The following STRN variants were observed in gnomAD, a reference collection of about 807,000 sequenced individuals.
STRN encodes the protein striatin, also known as protein phosphatase 2 regulatory subunit B'''alpha.
In STRN, 53 loss-of-function variants were observed where a neutral mutation model predicts 96.3. The observed-to-expected ratio is 0.55, with a 90% confidence interval of 0.44 to 0.69. The LOEUF (loss-of-function observed/expected upper bound fraction) is 0.69. STRN is among the 30% of genes least tolerant of loss of function. The pLI, the probability that STRN is intolerant of heterozygous loss-of-function variation, is 0.00. For missense variants in STRN, 987 were observed against 963.9 expected (o/e 1.02, Z -0.32); for synonymous variants, 428 against 355.9 (o/e 1.20, Z -2.28).
intron 6 of STRN, among the ~76,000 whole-genome samples, chr2:36,895,855 C>T (rs1669527311): frequency 6.6e-6 from 1 of 151,798 alleles, no homozygotes; most frequent in Admixed American, 6.6e-5. Flanking sequence ...ACCCAGGAGG[C>T]GGAGCTTGCA....
intron 7 of STRN, among the ~76,000 whole-genome samples, chr2:36,890,013 C>T (rs554144002): frequency 9.2e-5 from 14 of 152,314 alleles, no homozygotes; most frequent in Non-Finnish European, 1.5e-4. Flanking sequence ...CAGCTGTCCT[C>T]GGAGAAAAAC....
rs1256842035 is a variant in STRN at position 36,847,667 on chromosome 2, T to C, written c.*1789A>G. The C allele has an allele frequency of 6.6e-6, 1 of 152,094 alleles. No homozygotes were observed. The highest frequency in any genetic ancestry group is 2.4e-5 in the African/African-American group (1 of 41,416). 9.4% of individuals were successfully genotyped at this position (152,094 alleles called of 1,614,324 possible). On this transcript the variant is annotated 3_prime_UTR_variant, in exon 18 of 18. Transcript: ENST00000263918. ...ATATCTGTATGAAAATCAGGCAAATTTAGCACAAGTCTCTAGCTTTAAAGA... is the reference window on the plus strand; with the variant it reads ...ATATCTGTATGAAAATCAGGCAAATCTAGCACAAGTCTCTAGCTTTAAAGA...
At chr2:36,863,969 G>C (rs2717501) in intron 12 of STRN, among the ~76,000 whole-genome samples, 132,677 of 152,190 alleles carry the variant, frequency 0.87, 59,599 homozygotes, top group Non-Finnish European at 0.98. Context: ...GGCATTATTG[G>C]TGTGTATAAA....
chr2:36,966,477 A>C lies in STRN; in HGVS notation c.-14T>G. 2 of 1,433,690 alleles carry C rather than the reference A, an allele frequency of 1.4e-6. No homozygotes were observed. Among genetic ancestry groups the C allele is most frequent in the Non-Finnish European group, 1.8e-6 (2 of 1,096,566 alleles). The allele number at this position is 1,433,690 out of a possible 1,614,324, so 88.8% of individuals were successfully genotyped here. Reference sequence around the variant, plus strand: ...CTGCTCGTCCATGGCGGCCGCAGATACCCGGGGAGCTGCCCCGGCGCCCAG... The same window carrying C: ...CTGCTCGTCCATGGCGGCCGCAGATCCCCGGGGAGCTGCCCCGGCGCCCAG... On this transcript the variant is annotated 5_prime_UTR_variant, in exon 1 of 18. Transcript: ENST00000263918.
At chr2:36,863,408 C>G (rs1361977637) in intron 12 of STRN, among the ~76,000 whole-genome samples, 1 of 152,094 alleles carries the variant, frequency 6.6e-6, no homozygotes, top group Non-Finnish European at 1.5e-5. Flanking sequence ...GCCATTTATC[C>G]CAGCATCATT....
intron 1 of STRN, among the ~76,000 whole-genome samples, chr2:36,935,669 T>C (rs1203678673): frequency 1.3e-5 from 2 of 152,246 alleles, no homozygotes; most frequent in East Asian, 1.9e-4. Flanking sequence ...TTCTACTAGA[T>C]TATAAATCTG....
chr2:36,947,111 T>C lies in STRN; in HGVS notation c.234+19119A>G, dbSNP rs760448045. 3.1e-4 allele frequency among the ~76,000 whole-genome samples: 47 copies of C among 152,262 alleles called. 1 individual carries two copies. The highest frequency in any genetic ancestry group is 5.1e-4 in the Non-Finnish European group (35 of 68,012). On this transcript the variant is annotated intron_variant, in intron 1 of 17. Transcript: ENST00000263918. The stretch of plus-strand genomic sequence containing the variant: ...CAGGGTTTTACCATGTTAGCCAGGA[T>C]GGTCTCCATCTCCTGAATTCATGAT...
chr2:36,920,669 G>A (rs963013737), intron 2 of STRN, among the ~76,000 whole-genome samples: 1 of 150,330 alleles, frequency 6.7e-6, no homozygotes, highest in Non-Finnish European at 1.5e-5. Context: ...ACAAAAGCAG[G>A]AACTCTTTTC....
At chr2:36,881,491 A>G (rs1669068840) in intron 9 of STRN, among the ~76,000 whole-genome samples, 1 of 152,234 alleles carries the variant, frequency 6.6e-6, no homozygotes, top group Non-Finnish European at 1.5e-5. Context: ...CACACACAGC[A>G]TATGAACATT....
At chr2:36,938,040 T>C (rs1670750867) in intron 1 of STRN, among the ~76,000 whole-genome samples, 1 of 152,208 alleles carries the variant, frequency 6.6e-6, no homozygotes, top group Admixed American at 6.5e-5. Context: ...ATCTAAAAAG[T>C]GTACTTTGAA....
rs185056568 is a variant in STRN, at chr2:36,896,352, C to T, written c.796-2319G>A. On this transcript the variant is annotated intron_variant, in intron 6 of 17. Coordinates refer to ENST00000263918, the MANE Select transcript of STRN (RefSeq NM_003162.4). ...AGATTACTATTTACTAAGTATCTCA[C>T]TTTAAATAAATAAACCAAAAGTCCT... 2.0e-5 allele frequency among the ~76,000 whole-genome samples: 3 copies of T among 152,292 alleles called. No individual in the cohort carries two copies. The East Asian group carries it at 5.8e-4, about 29-fold the overall frequency.
rs191748886 is a variant in STRN at position 36,918,424 on chromosome 2, T to C, written c.339-2273A>G. On this transcript the variant is annotated intron_variant, in intron 2 of 17. Transcript: ENST00000263918. ...GATTATATTAAAGCTTTTAAAATAATAGTAGCAATAAAATGTTATGGAGTT... is the reference window on the plus strand; with the variant it reads ...GATTATATTAAAGCTTTTAAAATAACAGTAGCAATAAAATGTTATGGAGTT... 2.4e-3 allele frequency among the ~76,000 whole-genome samples: 359 copies of C among 152,068 alleles called. 4 individuals carry two copies. Among genetic ancestry groups the C allele is most frequent in the African/African-American group, 8.4e-3 (349 of 41,546 alleles).
Position 36,842,656 on chromosome 2 carries a change from G to C in STRN, c.*6800C>G, listed in dbSNP as rs1667978857. 1 of 152,244 alleles carries C rather than the reference G, an allele frequency of 6.6e-6. No homozygotes were observed. The highest frequency in any genetic ancestry group is 6.5e-5 in the Admixed American group (1 of 15,286). The allele number at this position is 152,244 out of a possible 1,614,324, so 9.4% of individuals were successfully genotyped here. ...ATTACCTTTAGTGAAATATCAATTAGGAATAAGGAAAGGGTTAGGTTTTGT... is the reference window on the plus strand; with the variant it reads ...ATTACCTTTAGTGAAATATCAATTACGAATAAGGAAAGGGTTAGGTTTTGT... On this transcript the variant is annotated 3_prime_UTR_variant, in exon 18 of 18. Transcript: ENST00000263918.
intron 8 of STRN, 43 bp from the exon 9 acceptor site, chr2:36,884,118 A>G: frequency 4.6e-6 from 6 of 1,308,018 alleles, no homozygotes; most frequent in Non-Finnish European, 5.9e-6. Flanking sequence ...AAAAAGAGAA[A>G]AGAGAATTAT....
intron 15 of STRN, among the ~76,000 whole-genome samples, chr2:36,851,933 C>T (rs555850781): frequency 2.0e-5 from 3 of 152,316 alleles, no homozygotes; most frequent in South Asian, 2.1e-4. Flanking sequence ...AGTCAGCATC[C>T]TAACTGTATT....
At chr2:36,913,173 C>T (rs1204112596) in intron 3 of STRN, among the ~76,000 whole-genome samples, 1 of 152,116 alleles carries the variant, frequency 6.6e-6, no homozygotes, top group Non-Finnish European at 1.5e-5. Flanking sequence ...CTACAGCCCA[C>T]GTAATCCAAG....
chr2:36,912,032 C>G (rs1006599723), intron 3 of STRN, among the ~76,000 whole-genome samples: 2 of 152,178 alleles, frequency 1.3e-5, no homozygotes, highest in Admixed American at 6.5e-5. Flanking sequence ...AAATACCCAC[C>G]ACCAAACAGA....
intron 1 of STRN, among the ~76,000 whole-genome samples, chr2:36,963,317 A>C (rs1476732564): frequency 6.6e-6 from 1 of 152,160 alleles, no homozygotes; most frequent in Non-Finnish European, 1.5e-5. Flanking sequence ...CTTCATCTTA[A>C]AGGTATTTGT....
chr2:36,856,295 C>G (rs1668341392), intron 14 of STRN, among the ~76,000 whole-genome samples: 1 of 152,054 alleles, frequency 6.6e-6, no homozygotes, highest in African/African-American at 2.4e-5. Context: ...AAACATCCAC[C>G]TGAAAGCCCA....
Sources: gnomAD v4.1 joint callset for allele counts (sites outside exome capture counted in the v4.1 genomes callset) on GRCh38, gnomAD v4.1.1 for gene constraint, MANE v1.5 for transcripts, NCBI Gene and HGNC (gene_info 2026-07-23, HGNC 2026-07-21) for gene names.